Variants in PCNX1 observed in about 807,000 individuals in gnomAD.
PCNX1 encodes the protein pecanex 1.
In PCNX1, 78 loss-of-function variants were observed where a neutral mutation model predicts 242.2. The ratio of observed to expected loss-of-function variants is 0.32; its 90% CI spans 0.27 to 0.39. PCNX1 has a LOEUF of 0.39. Ranked by LOEUF, PCNX1 falls within the 10% of genes least tolerant of loss-of-function variation. PCNX1 has a pLI of 1.00. For synonymous variants in PCNX1, 1,024 were observed against 1,032.9 expected (o/e 0.99, Z 0.17); for missense variants, 2,581 against 2,856.5 (o/e 0.90, Z 2.20).
chr14:70,984,733 A>G lies in PCNX1; in HGVS notation c.2312-3834A>G, dbSNP rs990077326. On this transcript the variant is annotated intron_variant, in intron 6 of 35. Coordinates refer to ENST00000304743, the MANE Select transcript of PCNX1 (RefSeq NM_014982.3). ...TTTATCTGTGTGTATTTATACTCACAGCTTCCAATTTTTGAGATAGAATTT... is the reference window on the plus strand; with the variant it reads ...TTTATCTGTGTGTATTTATACTCACGGCTTCCAATTTTTGAGATAGAATTT... 2.0e-5 allele frequency among the ~76,000 whole-genome samples: 3 copies of G among 152,164 alleles called. No individual in the cohort carries two copies. The East Asian group carries it at 5.8e-4, about 29-fold the overall frequency.
At chr14:70,945,161 T>C (rs2526860) in intron 1 of PCNX1, among the ~76,000 whole-genome samples, 96,728 of 151,852 alleles carry the variant, frequency 0.64, 31,071 homozygotes, top group South Asian at 0.73. Flanking sequence ...TATCCAGGAG[T>C]CCCCAGGCAC....
chr14:71,103,254 T>C, intron 31 of PCNX1, 141 bp from the exon 32 acceptor site: 1 of 895,552 alleles, frequency 1.1e-6, no homozygotes, highest in Non-Finnish European at 1.7e-6. Flanking sequence ...CCTATTTAAA[T>C]GTGACCTACT....
intron 1 of PCNX1, among the ~76,000 whole-genome samples, chr14:70,938,390 C>CAT (rs1406112249): frequency 6.6e-6 from 1 of 151,552 alleles, no homozygotes; most frequent in Admixed American, 6.6e-5. Context: ...TTGAGATAAT[C>CAT]GTGGTTTTTG....
In PCNX1 at chr14:70,998,750, CAA is replaced by C. The variant is rs34044438; in HGVS notation, c.2629+2846_2629+2847del. Among the ~76,000 whole-genome samples the C allele has an allele frequency of 6.4e-3, 569 of 89,086 alleles. 2 individuals are homozygous for C. The highest frequency in any genetic ancestry group is 0.019 in the African/African-American group (477 of 25,018). 58.4% of individuals were successfully genotyped at this position (89,086 alleles called of 152,430 possible). A position where few individuals can be genotyped will look rare whatever the true frequency, so the allele number is the denominator to read the frequency against. The stretch of plus-strand genomic sequence containing the variant: ...TGGGTGACAGAGTGAGACCCTATCT[CAA>C]AAAAAAAAAAAAAAAAAAAAGAAAA... On this transcript the variant is annotated intron_variant, in intron 8 of 35. Transcript: ENST00000304743.
intron 27 of PCNX1, among the ~76,000 whole-genome samples, chr14:71,074,699 A>G (rs776175450): frequency 6.6e-6 from 1 of 152,152 alleles, no homozygotes; most frequent in African/African-American, 2.4e-5. Context: ...GGTCATGCTG[A>G]TACTGTGTGG....
rs1566813387 is a variant in PCNX1, at chr14:71,108,738, G to A, written c.6436G>A (p.Val2146Met). Residue 2146 changes from valine to methionine, a missense_variant, in exon 34 of 36, where the codon GTG becomes ATG. Val to Met is a conservative substitution (Grantham distance 21, BLOSUM62 1). This residue lies in a region of PCNX1 where 432 missense variants were observed against 433.6 expected (regional missense o/e 1.00). Transcript: ENST00000304743. Reference sequence around the variant, plus strand: ...CCTCCGGATGTCCACCACTGGGTTTGTGCCTTGTCGGCGCTCTTCTACTAG... The same window carrying A: ...CCTCCGGATGTCCACCACTGGGTTTATGCCTTGTCGGCGCTCTTCTACTAG... ...SSLRMSTTGF[V>M]PCRRSSTSQI... 4 of 1,614,240 alleles carry A rather than the reference G, an allele frequency of 2.5e-6. No homozygotes were observed. The highest frequency in any genetic ancestry group is 2.5e-6 in the Non-Finnish European group (3 of 1,180,036).
intron 19 of PCNX1, among the ~76,000 whole-genome samples, chr14:71,039,671 A>G (rs1023713157): frequency 1.3e-5 from 2 of 152,210 alleles, no homozygotes; most frequent in Admixed American, 1.3e-4. Context: ...TCAGAAGCTG[A>G]CTACCACAGT....
At chr14:70,955,516 G>T (rs1296533559) in intron 2 of PCNX1, among the ~76,000 whole-genome samples, 3 of 152,202 alleles carry the variant, frequency 2.0e-5, no homozygotes, top group African/African-American at 7.2e-5. Context: ...AGACTTCTCT[G>T]TAATTCAGAT....
chr14:71,109,034 T>G lies in PCNX1; in HGVS notation c.6732T>G (p.Ile2244Met). The G allele has an allele frequency of 2.5e-6, 4 of 1,611,152 alleles. No homozygotes were observed. Among genetic ancestry groups the G allele is most frequent in the Non-Finnish European group, 3.4e-6 (4 of 1,178,262 alleles). The change falls in exon 34 of 36, where the codon ATT becomes ATG. Residue 2244 changes from isoleucine (I) to methionine (M), a missense_variant. Physicochemically the swap from Ile to Met is conservative, Grantham distance 10. Around this residue, in one of 9 missense-constraint regions of PCNX1, gnomAD observed 432 missense variants for 433.6 expected, o/e 1.00. Transcript: ENST00000304743. ...NNSHSRKAEVIYRVQIVDPSQ... is the reference protein window; with the variant it reads ...NNSHSRKAEVMYRVQIVDPSQ... ...CACACTCCAGAAAGGCAGAAGTGAT[T>G]TACAGAGTCCAAGTAAGTAAGCCCA...
chr14:71,050,626 TGACAGCCATTC>T lies in PCNX1; in HGVS notation c.4339-25_4339-15del. 1 of 1,526,058 alleles carries T rather than the reference TGACAGCCATTC, an allele frequency of 6.6e-7. No homozygotes were observed. Among genetic ancestry groups the T allele is most frequent in the African/African-American group, 1.4e-5 (1 of 70,836 alleles). The allele number at this position is 1,526,058 out of a possible 1,614,324, so 94.5% of individuals were successfully genotyped here. A position where few individuals can be genotyped will look rare whatever the true frequency, so the allele number is the denominator to read the frequency against. ...ATCTGATAAGTTTTTTTTTTTTTAC[TGACAGCCATTC>T]TTTTCCTCCTGCAGCTTTGGGAACT... On this transcript the variant is annotated splice_polypyrimidine_tract_variant and intron_variant, in intron 22 of 35. Coordinates refer to ENST00000304743, the MANE Select transcript of PCNX1 (RefSeq NM_014982.3).
chr14:70,926,734 C>T (rs769755935), intron 1 of PCNX1, among the ~76,000 whole-genome samples: 11 of 152,030 alleles, frequency 7.2e-5, no homozygotes, highest in Non-Finnish European at 1.5e-4. Context: ...CAGAAATTAA[C>T]TCTTGAGGGA....
chr14:70,951,542 T>G (rs1029176978), intron 2 of PCNX1, among the ~76,000 whole-genome samples: 1 of 151,970 alleles, frequency 6.6e-6, no homozygotes, highest in Non-Finnish European at 1.5e-5. Context: ...GCCCAGCTAA[T>G]TTTTGTATTT....
chr14:70,993,287 A>AT (rs879694882), intron 7 of PCNX1, among the ~76,000 whole-genome samples: 1,743 of 144,052 alleles, frequency 0.012, 30 homozygotes, highest in African/African-American at 0.036. Flanking sequence ...TGCCCGGCTA[A>AT]TTTTTTTTTT....
intron 19 of PCNX1, among the ~76,000 whole-genome samples, chr14:71,039,395 C>T (rs550689711): frequency 6.6e-5 from 10 of 152,246 alleles, no homozygotes; most frequent in Non-Finnish European, 1.3e-4. Context: ...TGACTATTGG[C>T]TGGAGACCTC....
In PCNX1 at chr14:71,098,045, C is replaced by G. The variant is rs116361746; in HGVS notation, c.5590-3945C>G. ...AGCACCATTTATTGAATAGGGAGTCCTTTCTCCATTGTGTATTTTTTGACA... is the reference window on the plus strand; with the variant it reads ...AGCACCATTTATTGAATAGGGAGTCGTTTCTCCATTGTGTATTTTTTGACA... On this transcript the variant is annotated intron_variant, in intron 30 of 35. Coordinates refer to ENST00000304743, the MANE Select transcript of PCNX1 (RefSeq NM_014982.3). Among the ~76,000 whole-genome samples, 1,180 of 152,204 alleles carry G rather than the reference C, an allele frequency of 7.8e-3. 10 individuals carry two copies. Among genetic ancestry groups the G allele is most frequent in the African/African-American group, 0.027 (1,112 of 41,502 alleles).
At chr14:71,059,470 A>G (rs2141263265) in intron 26 of PCNX1, among the ~76,000 whole-genome samples, 1 of 151,958 alleles carries the variant, frequency 6.6e-6, no homozygotes, top group East Asian at 1.9e-4. Flanking sequence ...TACATCCTCA[A>G]ACTCCTGGGC....
intron 26 of PCNX1, among the ~76,000 whole-genome samples, chr14:71,068,346 G>C (rs1201616604): frequency 2.0e-5 from 3 of 150,522 alleles, no homozygotes; most frequent in Non-Finnish European, 4.4e-5. Context: ...ATATATATAT[G>C]TGTATATATA....
At chr14:70,942,992 CT>C (rs903183559) in intron 1 of PCNX1, 1 of 153,120 alleles carries the variant, frequency 6.5e-6, no homozygotes, top group African/African-American at 2.4e-5. Context: ...GTACTCACTT[CT>C]TTCTCCTGCT....
chr14:70,947,521 G>A (rs1490317778), intron 2 of PCNX1, among the ~76,000 whole-genome samples: 1 of 152,176 alleles, frequency 6.6e-6, no homozygotes, highest in Non-Finnish European at 1.5e-5. Context: ...AACATAAATT[G>A]TGAAGATTTC....
Sources: allele counts gnomAD v4.1 joint callset (sites outside exome capture counted in the v4.1 genomes callset), GRCh38; gene constraint gnomAD v4.1.1; regional missense constraint gnomAD v4.1.1; transcripts MANE v1.5; gene names NCBI Gene and HGNC (gene_info 2026-07-23, HGNC 2026-07-21).